Variants in MROH9 observed in about 807,000 individuals in gnomAD.
MROH9 encodes the protein maestro heat like repeat family member 9, also known as maestro heat-like repeat-containing protein family member 9.
In MROH9, 92 loss-of-function variants were observed where a neutral mutation model predicts 98.2. That is an observed-to-expected ratio of 0.94 (90% CI 0.79 to 1.11). The LOEUF (loss-of-function observed/expected upper bound fraction) is 1.11, where lower values mean the gene tolerates loss of function less well. MROH9 is among the 50% of genes most tolerant of loss of function. MROH9 has a pLI of 0.00. For synonymous variants in MROH9, 397 were observed against 368.9 expected, an observed-to-expected ratio of 1.08 and a Z score of -0.87; for missense variants, 1,057 against 1,014.8, an observed-to-expected ratio of 1.04 and a Z score of -0.57.
intron 14 of MROH9, among the ~76,000 whole-genome samples, chr1:170,997,655 TG>T (rs1408233259): frequency 2.0e-5 from 3 of 152,220 alleles, no homozygotes; most frequent in Non-Finnish European, 4.4e-5. Context: ...TCAGTACAAG[TG>T]TGAGGCTGTC....
At chr1:171,011,808 A>G (rs964206595) in intron 15 of MROH9, among the ~76,000 whole-genome samples, 1 of 152,036 alleles carries the variant, frequency 6.6e-6, no homozygotes, top group African/African-American at 2.4e-5. Context: ...TCTTTTTTGT[A>G]TTATATCAAA....
intron 15 of MROH9, among the ~76,000 whole-genome samples, chr1:171,005,937 T>A (rs933939320): frequency 8.5e-5 from 13 of 152,058 alleles, no homozygotes; most frequent in African/African-American, 1.5e-4. Flanking sequence ...TCTTTTAACT[T>A]TTATATGAGA....
rs138877048 is a variant in MROH9, at chr1:170,982,292, G to A, written c.617-1130G>A. Among the ~76,000 whole-genome samples the A allele has an allele frequency of 1.4e-3, 212 of 152,140 alleles. 3 individuals are homozygous for A. The highest frequency in any genetic ancestry group is 0.013 in the East Asian group (66 of 5,174). The stretch of plus-strand genomic sequence containing the variant: ...AAAAGAACAAACTATTAATATGTAC[G>A]AAAACATGGATGAATCTCAGTAGTT... On this transcript the variant is annotated intron_variant, in intron 8 of 21. Transcript: ENST00000367759.
chr1:170,973,228 A>C (rs1334694200), intron 8 of MROH9, among the ~76,000 whole-genome samples: 10 of 152,178 alleles, frequency 6.6e-5, no homozygotes, highest in African/African-American at 2.4e-4. Flanking sequence ...GCATGCAAGT[A>C]AACTGCCTGA....
At chr1:170,971,702 T>C (rs1248971277) in intron 7 of MROH9, 46 bp from the exon 8 acceptor site, 3 of 1,599,584 alleles carry the variant, frequency 1.9e-6, no homozygotes, top group Non-Finnish European at 2.6e-6. Context: ...CATTTTCATA[T>C]TGGCTATGCA....
intron 3 of MROH9, among the ~76,000 whole-genome samples, chr1:170,956,717 C>A (rs1571447417): frequency 6.8e-6 from 1 of 146,986 alleles, no homozygotes; most frequent in African/African-American, 2.6e-5. Flanking sequence ...TATCTGGAAA[C>A]TTTGCTGAAT....
chr1:171,053,333 A>G (rs1296824972), intron 20 of MROH9, among the ~76,000 whole-genome samples: 1 of 152,200 alleles, frequency 6.6e-6, no homozygotes, highest in East Asian at 1.9e-4. Flanking sequence ...AAATACTCCC[A>G]GGCTTTCAAA....
chr1:170,979,935 C>A (rs896829817), intron 8 of MROH9, among the ~76,000 whole-genome samples: 1 of 152,116 alleles, frequency 6.6e-6, no homozygotes, highest in African/African-American at 2.4e-5. Flanking sequence ...CATTCCTTTA[C>A]ACCAACAATA....
chr1:170,969,242 C>CA (rs35538114), intron 7 of MROH9, among the ~76,000 whole-genome samples: 10 of 151,806 alleles, frequency 6.6e-5, no homozygotes, highest in Non-Finnish European at 1.2e-4. Context: ...ATTATCCACT[C>CA]AAAAAAAGGA....
intron 15 of MROH9, among the ~76,000 whole-genome samples, chr1:171,004,085 C>T (rs1031008076): frequency 6.6e-6 from 1 of 152,114 alleles, no homozygotes; most frequent in African/African-American, 2.4e-5. Flanking sequence ...GTCTCACTCC[C>T]ACCATGCCCC....
chr1:170,995,627 C>T (rs1170509187), intron 13 of MROH9, 96 bp downstream of exon 13: 3 of 1,344,422 alleles, frequency 2.2e-6, no homozygotes, highest in African/African-American at 1.5e-5. Flanking sequence ...TCTTTACAGT[C>T]CCATGTGCGG....
chr1:170,990,792 C>T (rs1270781808), intron 11 of MROH9, among the ~76,000 whole-genome samples: 1 of 152,106 alleles, frequency 6.6e-6, no homozygotes, highest in African/African-American at 2.4e-5. Context: ...TAAATTTCCT[C>T]ATCTAGAAAA....
chr1:170,966,820 G>T (rs1004894051), intron 7 of MROH9, among the ~76,000 whole-genome samples: 6 of 152,042 alleles, frequency 3.9e-5, no homozygotes, highest in Admixed American at 2.0e-4. Context: ...TGTCCAGAAG[G>T]TTCACCATTG....
intron 3 of MROH9, among the ~76,000 whole-genome samples, chr1:170,957,186 CTTGT>C (rs1208175701): frequency 6.6e-6 from 1 of 152,022 alleles, no homozygotes; most frequent in Admixed American, 6.6e-5. Context: ...TGTAGTCCCA[CTTGT>C]TTAATTTTGC....
At chr1:171,029,493 T>C (rs1173539798) in intron 20 of MROH9, among the ~76,000 whole-genome samples, 1 of 152,152 alleles carries the variant, frequency 6.6e-6, no homozygotes, top group African/African-American at 2.4e-5. Flanking sequence ...TTAAGAGTTT[T>C]TAACTTGAAG....
chr1:171,064,243 T>A lies in MROH9; in HGVS notation c.2489T>A (p.Ile830Asn). The change falls in exon 22 of 22, where the codon ATC (isoleucine) becomes AAC (asparagine). Residue 830 changes from isoleucine (I) to asparagine (N), a missense_variant. Ile to Asn is a moderately radical substitution (Grantham distance 149). Coordinates refer to ENST00000367759, the MANE Select transcript of MROH9 (RefSeq NM_001163629.2). ...CAAAAATTGCTTAAATTATTCTACA[T>A]CAAAAAATTGAAGCCTCTTTACAAT... ...NFQKLLKLFY[I>N]KKLKPLYNYN... The A allele has an allele frequency of 6.4e-7, 1 of 1,551,484 alleles. No individual in the cohort carries two copies. The highest frequency in any genetic ancestry group is 8.7e-7 in the Non-Finnish European group (1 of 1,146,912).
At chr1:170,955,699 T>C (rs1649732449) in intron 3 of MROH9, among the ~76,000 whole-genome samples, 1 of 152,222 alleles carries the variant, frequency 6.6e-6, no homozygotes, top group South Asian at 2.1e-4. Context: ...GAATTTGTTG[T>C]AGATTCTGCA....
chr1:170,943,881 TG>T (rs35355966), intron 1 of MROH9, among the ~76,000 whole-genome samples: 1 of 151,962 alleles, frequency 6.6e-6, no homozygotes, highest in Non-Finnish European at 1.5e-5. Context: ...AAGAAATGAA[TG>T]GGGAAAGTCT....
At chr1:171,023,507 T>C (rs1040083400) in intron 17 of MROH9, among the ~76,000 whole-genome samples, 7 of 152,302 alleles carry the variant, frequency 4.6e-5, no homozygotes, top group African/African-American at 1.7e-4. Context: ...TGTTATTAAA[T>C]ACTAATCATC....
Sources: allele counts gnomAD v4.1 joint callset (sites outside exome capture counted in the v4.1 genomes callset), GRCh38; gene constraint gnomAD v4.1.1; transcripts MANE v1.5; gene names NCBI Gene and HGNC (gene_info 2026-07-23, HGNC 2026-07-21).